The following FANCD2 variants were observed in gnomAD, a reference collection of about 807,000 sequenced individuals.
The protein encoded by FANCD2 is Fanconi anemia group D2 protein.
FANCD2 carries 131 observed loss-of-function variants against 192.3 expected under a neutral mutation model. The observed-to-expected ratio is 0.68, with a 90% confidence interval of 0.59 to 0.79. FANCD2 has a LOEUF of 0.79. Ranked by LOEUF, FANCD2 falls within the 30% of genes least tolerant of loss-of-function variation. FANCD2 has a pLI of 0.00. For synonymous variants in FANCD2, 524 were observed against 612.5 expected (o/e 0.86, Z 2.13); for missense variants, 1,508 against 1,701.6 (o/e 0.89, Z 2.00).
intron 26 of FANCD2, among the ~76,000 whole-genome samples, chr3:10,069,797 G>A (rs903713149): frequency 9.9e-5 from 15 of 152,090 alleles, no homozygotes; most frequent in Non-Finnish European, 1.9e-4. Flanking sequence ...GCAGTAGCGT[G>A]ATCTCGGCTC....
At position 10,087,163 on chromosome 3, in the gene FANCD2, A is replaced by G. The variant is rs767995408; in HGVS notation, c.3365A>G (p.His1122Arg). 1 of 1,614,050 alleles carries G rather than the reference A, an allele frequency of 6.2e-7. No individual in the cohort carries two copies. The highest frequency in any genetic ancestry group is 2.2e-5 in the East Asian group (1 of 44,864). ...AGCGTCCATTACTTGCAGAATTTCCATCAAAGCATTCCCAGTTTCCAGTGT... is the reference window on the plus strand; with the variant it reads ...AGCGTCCATTACTTGCAGAATTTCCGTCAAAGCATTCCCAGTTTCCAGTGT... ...SQSVHYLQNF[H>R]QSIPSFQCAL... Residue 1122 changes from histidine to arginine, a missense_variant, in exon 34 of 44, where the codon CAT becomes CGT. By Grantham distance (29) the His-to-Arg change is conservative (BLOSUM62 0). This residue lies in a region of FANCD2 where 796 missense variants were observed against 879.4 expected (regional missense o/e 0.91). Coordinates refer to ENST00000675286, the MANE Select transcript of FANCD2 (RefSeq NM_001018115.3).
chr3:10,045,175 G>GTTTTTGTTTTTA (rs1202898458), intron 14 of FANCD2, among the ~76,000 whole-genome samples: 2 of 143,246 alleles, frequency 1.4e-5, no homozygotes, highest in Admixed American at 1.4e-4. Flanking sequence ...TTTTGTTTTT[G>GTTTTTGTTTTTA]TTTTTGTTTT....
Position 10,085,886 on chromosome 3 carries a change from A to C in FANCD2, c.3299A>C (p.Gln1100Pro). 6.2e-7 allele frequency: 1 copy of C among 1,613,586 alleles called. No homozygotes were observed. ...CATGTCCTTAGTAGCCGACTGAAAC[A>C]GGGAGAACACAGCCAGCCTTTGGAG... ...ALHVLSSRLK[Q>P]GEHSQPLEEL... The change falls in exon 33 of 44, where the codon CAG becomes CCG. Residue 1100 changes from glutamine to proline, a missense_variant. By Grantham distance (76) the Gln-to-Pro change is moderately conservative (BLOSUM62 -1). This residue lies in a region of FANCD2 where 796 missense variants were observed against 879.4 expected (regional missense o/e 0.91). Transcript: ENST00000675286.
At chr3:10,054,383 A>ATG in intron 18 of FANCD2, among the ~76,000 whole-genome samples, 1 of 117,280 alleles carries the variant, frequency 8.5e-6, no homozygotes, top group East Asian at 2.1e-4. Flanking sequence ...ATATACATAT[A>ATG]TATATGTATA....
chr3:10,065,330 T>C, intron 23 of FANCD2, 64 bp from the exon 24 acceptor site: 1 of 1,057,906 alleles, frequency 9.5e-7, no homozygotes, highest in Non-Finnish European at 1.5e-6. Flanking sequence ...GAGTAATATC[T>C]CCCTATGTAC....
At chr3:10,097,263 C>G (rs960989255) in intron 42 of FANCD2, among the ~76,000 whole-genome samples, 2 of 152,122 alleles carry the variant, frequency 1.3e-5, no homozygotes, top group African/African-American at 2.4e-5. Context: ...TATCAGGAGA[C>G]AGGGTTTTGA....
chr3:10,054,615 C>T (rs1296380699), intron 18 of FANCD2, among the ~76,000 whole-genome samples: 6 of 145,704 alleles, frequency 4.1e-5, no homozygotes, highest in African/African-American at 1.5e-4. Flanking sequence ...TCCCAAGTAG[C>T]TGGGACTACA....
At chr3:10,093,604 A>G (rs574353490) in intron 39 of FANCD2, among the ~76,000 whole-genome samples, 3 of 152,312 alleles carry the variant, frequency 2.0e-5, no homozygotes, top group African/African-American at 7.2e-5. Context: ...CTTCCGTGCC[A>G]TTCCTTACCA....
chr3:10,044,438 C>G (rs1473243476), intron 14 of FANCD2, among the ~76,000 whole-genome samples: 22 of 151,868 alleles, frequency 1.4e-4, no homozygotes, highest in Admixed American at 3.9e-4. Flanking sequence ...GAGGCTGAGG[C>G]AGGCGGATCA....
chr3:10,045,762 C>T (rs1399966442), intron 14 of FANCD2: 3 of 151,722 alleles, frequency 2.0e-5, no homozygotes, highest in Non-Finnish European at 2.9e-5. Context: ...CTACTTTGCC[C>T]GGCTAATTTG....
Position 10,065,902 on chromosome 3 carries a change from A to G in FANCD2, c.2308A>G (p.Lys770Glu). ...CCTAACTGACCTGGAGCCTGGAGAG[A>G]AGTTGGAGTCCATGTCTGCTAAAGA... ...IFLTDLEPGEKLESMSAKERS... is the reference protein window; with the variant it reads ...IFLTDLEPGEELESMSAKERS... Residue 770 changes from lysine (K) to glutamate (E), a missense_variant, in exon 25 of 44, where the codon AAG becomes GAG. Coordinates refer to ENST00000675286, the MANE Select transcript of FANCD2 (RefSeq NM_001018115.3). 1 of 1,613,510 alleles carries G rather than the reference A, an allele frequency of 6.2e-7. No homozygotes were observed. Among genetic ancestry groups the G allele is most frequent in the Non-Finnish European group, 8.5e-7 (1 of 1,179,460 alleles).
In FANCD2 at chr3:10,081,144, A is replaced by G; in HGVS notation, c.3021A>G (p.Arg1007=). The change falls in exon 31 of 44, where the codon AGA becomes AGG. Residue 1007 remains arginine, a synonymous_variant. Coordinates refer to ENST00000675286, the MANE Select transcript of FANCD2 (RefSeq NM_001018115.3). ...TTGGATTCTCACATCTCCAACAGAG[A>G]TCTGCCCAAGAAATTGTTCATTGTG... The part of the protein sequence containing the change: ...RNIGFSHLQQ[R]SAQEIVHCVF... 2 of 1,614,162 alleles carry G rather than the reference A, an allele frequency of 1.2e-6. No homozygotes were observed. The highest frequency in any genetic ancestry group is 1.6e-4 in the Middle Eastern group (1 of 6,062).
chr3:10,070,110 C>T (rs373010730), intron 26 of FANCD2, among the ~76,000 whole-genome samples: 5 of 150,736 alleles, frequency 3.3e-5, no homozygotes, highest in Admixed American at 2.0e-4. Context: ...TCTGCCCGGC[C>T]GCGACCCCGT....
chr3:10,031,270 A>G lies in FANCD2; in HGVS notation c.65-1562A>G, dbSNP rs536824861. 3.7e-3 allele frequency among the ~76,000 whole-genome samples: 563 copies of G among 152,236 alleles called. 1 individual carries two copies. The highest frequency in any genetic ancestry group is 5.0e-3 in the Non-Finnish European group (339 of 68,012). On this transcript the variant is annotated intron_variant, in intron 2 of 43. Coordinates refer to ENST00000675286, the MANE Select transcript of FANCD2 (RefSeq NM_001018115.3). Reference sequence around the variant, plus strand: ...TGTAATCCCAGCACTTTGGGTGGCCAAGGCGGGCAGATCACGAGGTCAGGA... The same window carrying G: ...TGTAATCCCAGCACTTTGGGTGGCCGAGGCGGGCAGATCACGAGGTCAGGA...
intron 26 of FANCD2, 51 bp downstream of exon 26, chr3:10,067,368 A>G (rs770937751): frequency 2.7e-6 from 3 of 1,095,462 alleles, no homozygotes; most frequent in African/African-American, 1.6e-5. Flanking sequence ...TAGTGAGGCA[A>G]TAAAGCACTT....
intron 5 of FANCD2, 145 bp from the exon 6 acceptor site, chr3:10,035,028 C>T: frequency 2.7e-6 from 2 of 729,330 alleles, no homozygotes; most frequent in Non-Finnish European, 4.6e-6. Flanking sequence ...TTGCAAAGAG[C>T]CATCTGCTCA....
chr3:10,078,990 C>T (rs1362875072), intron 30 of FANCD2, among the ~76,000 whole-genome samples: 5 of 151,798 alleles, frequency 3.3e-5, no homozygotes, highest in African/African-American at 7.3e-5. Flanking sequence ...CCTGTAATTC[C>T]AGCACGTTGG....
chr3:10,089,781 C>T (rs2125080074), intron 36 of FANCD2, among the ~76,000 whole-genome samples: 1 of 152,290 alleles, frequency 6.6e-6, no homozygotes, highest in South Asian at 2.1e-4. Context: ...ATATTTTAGC[C>T]ATCTTGAGAA....
intron 20 of FANCD2, 46 bp from the exon 21 acceptor site, chr3:10,063,746 A>G (rs1398184088): frequency 6.2e-7 from 1 of 1,613,210 alleles, no homozygotes; most frequent in African/African-American, 1.3e-5. Flanking sequence ...GAGTTTGGGA[A>G]AGATTGGCAG....
Sources: gnomAD v4.1 joint callset for allele counts (sites outside exome capture counted in the v4.1 genomes callset) on GRCh38, gnomAD v4.1.1 for gene constraint, gnomAD v4.1.1 regional missense constraint, MANE v1.5 for transcripts, NCBI Gene and HGNC (gene_info 2026-07-23, HGNC 2026-07-21) for gene names.